Variants in MRPS28 observed in about 807,000 individuals in gnomAD.
The protein encoded by MRPS28 is small ribosomal subunit protein bS1m.
MRPS28 carries 7 observed loss-of-function variants against 10.8 expected under a neutral mutation model. The observed-to-expected ratio is 0.65, with a 90% CI of 0.37 to 1.22. The LOEUF is 1.22. Among genes scored for constraint, MRPS28 ranks in the 50% most tolerant of loss-of-function variants. The probability of loss-of-function intolerance (pLI) is 0.02; values close to 1 mark genes in which losing one functional copy is unlikely to be tolerated. For synonymous variants in MRPS28, 121 were observed against 93.3 expected (o/e 1.30, Z -1.71); for missense variants, 265 against 232.9 (o/e 1.14, Z -0.90).
At chr8:79,972,962 A>T (rs896022919) in intron 2 of MRPS28, among the ~76,000 whole-genome samples, 1 of 152,234 alleles carries the variant, frequency 6.6e-6, no homozygotes, top group Non-Finnish European at 1.5e-5. Context: ...ATCTATTGCC[A>T]GGTGATTTTT....
At chr8:80,015,930 C>T (rs1809183218) in intron 1 of MRPS28, among the ~76,000 whole-genome samples, 1 of 150,020 alleles carries the variant, frequency 6.7e-6, no homozygotes, top group Non-Finnish European at 1.5e-5. Flanking sequence ...GTAGATGACA[C>T]AGCTGAGGAA....
intron 2 of MRPS28, among the ~76,000 whole-genome samples, chr8:79,938,503 C>T (rs1020666643): frequency 6.6e-6 from 1 of 151,080 alleles, no homozygotes; most frequent in African/African-American, 2.4e-5. Context: ...GGTTTTAAAG[C>T]TCATTCTTTT....
chr8:79,999,117 T>A (rs551970851), intron 2 of MRPS28, among the ~76,000 whole-genome samples: 3 of 152,324 alleles, frequency 2.0e-5, no homozygotes, highest in Non-Finnish European at 4.4e-5. Flanking sequence ...TTTCTCTTAT[T>A]TATAACAATT....
At chr8:80,004,430 C>T (rs575536143) in intron 1 of MRPS28, among the ~76,000 whole-genome samples, 17 of 152,358 alleles carry the variant, frequency 1.1e-4, no homozygotes, top group African/African-American at 3.1e-4. Context: ...AGGGTCCTGA[C>T]TGTTAGAAAG....
At chr8:79,962,969 G>A (rs1354351779) in intron 2 of MRPS28, among the ~76,000 whole-genome samples, 1 of 152,018 alleles carries the variant, frequency 6.6e-6, no homozygotes, top group Non-Finnish European at 1.5e-5. Context: ...CCATGCCTGG[G>A]GAACACAGAC....
At chr8:80,016,585 A>C (rs967463575) in intron 1 of MRPS28, among the ~76,000 whole-genome samples, 1 of 152,074 alleles carries the variant, frequency 6.6e-6, no homozygotes, top group Non-Finnish European at 1.5e-5. Flanking sequence ...AAATTATAAA[A>C]GTCAAAAACT....
intron 2 of MRPS28, among the ~76,000 whole-genome samples, chr8:79,974,289 C>G (rs1280905789): frequency 9.2e-5 from 14 of 151,958 alleles, no homozygotes; most frequent in Admixed American, 9.2e-4. Context: ...GCCTGTTATC[C>G]CAGAACTTTG....
At chr8:79,994,426 CT>C (rs1391939603) in intron 2 of MRPS28, among the ~76,000 whole-genome samples, 2 of 151,998 alleles carry the variant, frequency 1.3e-5, no homozygotes, top group Non-Finnish European at 2.9e-5. Flanking sequence ...ACACACTCCC[CT>C]TCTCTACCTC....
rs1373321375 is a variant in MRPS28, at chr8:79,918,808, C to T, written c.*172G>A. 1 of 274,260 alleles carries T rather than the reference C, an allele frequency of 3.6e-6. No individual in the cohort carries two copies. The highest frequency in any genetic ancestry group is 6.1e-6 in the Non-Finnish European group (1 of 163,780). The allele number at this position is 274,260 out of a possible 1,614,324, so 17.0% of individuals were successfully genotyped here. On this transcript the variant is annotated 3_prime_UTR_variant, in exon 3 of 3. Transcript: ENST00000276585. ...AAGGAAAAAAACATTAAGAGCAAAA[C>T]AAGGGGTGGGGGGTGGGAATATTGC...
chr8:79,958,240 T>A, intron 2 of MRPS28: 1 of 583,810 alleles, frequency 1.7e-6, no homozygotes, highest in Non-Finnish European at 3.0e-6. Flanking sequence ...GAACATTTCA[T>A]ATAAATGGAA....
chr8:79,937,520 C>G (rs2129918647), intron 2 of MRPS28, among the ~76,000 whole-genome samples: 1 of 152,224 alleles, frequency 6.6e-6, no homozygotes, highest in Middle Eastern at 3.4e-3. Flanking sequence ...CCTGAAAAAA[C>G]ACATCATATG....
rs1399000198 is a variant in MRPS28, at chr8:79,966,461, G to GT, written c.395+36537dup. Among the ~76,000 whole-genome samples the GT allele has an allele frequency of 9.9e-5, 15 of 152,154 alleles. No individual in the cohort carries two copies. The East Asian group carries it at 2.9e-3, about 29-fold the overall frequency. ...AGTTGACCAAACACTGGTCAAAAAA[G>GT]TAAGTTTTAACAAATTTGAAAAACT... On this transcript the variant is annotated intron_variant, in intron 2 of 2. Transcript: ENST00000276585.
At chr8:80,029,972 C>T (rs1429328098) in intron 1 of MRPS28, 64 bp downstream of exon 1, 8 of 1,570,216 alleles carry the variant, frequency 5.1e-6, no homozygotes, top group African/African-American at 4.1e-5. Flanking sequence ...CCCCTATTCC[C>T]GACCCCGCCC....
intron 2 of MRPS28, 109 bp from the exon 3 acceptor site, chr8:79,919,257 GA>G: frequency 1.2e-6 from 1 of 807,592 alleles, no homozygotes; most frequent in Non-Finnish European, 1.7e-6. Flanking sequence ...AGCTCAAGAT[GA>G]AGTTAACACT....
intron 1 of MRPS28, among the ~76,000 whole-genome samples, chr8:80,013,074 C>T (rs1809096195): frequency 1.3e-5 from 2 of 151,890 alleles, no homozygotes; most frequent in African/African-American, 4.8e-5. Flanking sequence ...TAAAAGAAAA[C>T]AGTACAGAAG....
At chr8:79,936,655 C>T (rs1192351701) in intron 2 of MRPS28, among the ~76,000 whole-genome samples, 2 of 152,204 alleles carry the variant, frequency 1.3e-5, no homozygotes, top group East Asian at 3.9e-4. Context: ...TACTACACAA[C>T]CAAAAGATGT....
At chr8:79,967,401 GTTCCCAA>G in intron 2 of MRPS28, among the ~76,000 whole-genome samples, 1 of 152,206 alleles carries the variant, frequency 6.6e-6, no homozygotes, top group South Asian at 2.1e-4. Flanking sequence ...TCTTTCTCCT[GTTCCCAA>G]TTCCCAATTC....
At chr8:79,936,670 T>C (rs1806611798) in intron 2 of MRPS28, among the ~76,000 whole-genome samples, 1 of 152,230 alleles carries the variant, frequency 6.6e-6, no homozygotes, top group Non-Finnish European at 1.5e-5. Flanking sequence ...AGATGTTTAA[T>C]ATGTAACAAA....
intron 2 of MRPS28, among the ~76,000 whole-genome samples, chr8:79,984,898 T>C (rs1207963150): frequency 1.4e-4 from 22 of 152,184 alleles, no homozygotes; most frequent in Admixed American, 1.4e-3. Context: ...TACCCAGGAA[T>C]TGAACTCAGC....
Sources: gnomAD v4.1 joint callset for allele counts (sites outside exome capture counted in the v4.1 genomes callset) on GRCh38, gnomAD v4.1.1 for gene constraint, MANE v1.5 for transcripts, NCBI Gene and HGNC (gene_info 2026-07-23, HGNC 2026-07-21) for gene names.